The following PNPLA7 variants were observed in gnomAD, a reference collection of about 807,000 sequenced individuals.
PNPLA7 encodes the protein patatin-like phospholipase domain-containing protein 7.
Under a neutral mutation model 161.7 loss-of-function variants are expected in PNPLA7, and 153 were observed. That is an observed-to-expected ratio of 0.95 (90% CI 0.83 to 1.08). PNPLA7 has a LOEUF of 1.08. Ranked by LOEUF, PNPLA7 falls within the 50% of genes least tolerant of loss-of-function variation. PNPLA7 has a pLI of 0.00. For synonymous variants in PNPLA7, 809 were observed against 782.1 expected (o/e 1.03, Z -0.57); for missense variants, 1,739 against 1,856.6 (o/e 0.94, Z 1.16).
In PNPLA7 at chr9:137,490,664, C is replaced by T. The variant is rs934953382; in HGVS notation, c.2197+2349G>A. Among the ~76,000 whole-genome samples, 6 of 152,270 alleles carry T rather than the reference C, an allele frequency of 3.9e-5. No individual in the cohort carries two copies. Among genetic ancestry groups the T allele is most frequent in the East Asian group, 1.9e-4 (1 of 5,184 alleles). ...GCCATCAGACCTTCTCTGAAAGAAC[C>T]GCTAACCACAATTCTTCAACAGCAA... is the stretch of plus-strand genomic sequence containing the variant. On this transcript the variant is annotated intron_variant, in intron 20 of 34. Transcript: ENST00000406427. The surrounding 1 kb of genome is among the most constrained non-coding windows in gnomAD (Gnocchi z 4.1).
chr9:137,531,670 A>T (rs1002704561), intron 8 of PNPLA7, among the ~76,000 whole-genome samples: 4 of 152,228 alleles, frequency 2.6e-5, no homozygotes, highest in African/African-American at 9.6e-5. Context: ...TCACGTTCAT[A>T]ATGTTGCTCA....
rs117358503 is a variant in PNPLA7 at position 137,476,230 on chromosome 9, G to C, written c.2882+1804C>G. 2.6e-5 allele frequency among the ~76,000 whole-genome samples: 4 copies of C among 152,088 alleles called. No individual in the cohort carries two copies. Among genetic ancestry groups the C allele is most frequent in the African/African-American group, 9.7e-5 (4 of 41,414 alleles). ...GGTTAATGCCTGCCTCAGTGTCTTC[G>C]GGTAAATTAAGGATACCCAGAAAAC... is the stretch of plus-strand genomic sequence containing the variant. On this transcript the variant is annotated intron_variant, in intron 25 of 34. Coordinates refer to ENST00000406427, the MANE Select transcript of PNPLA7 (RefSeq NM_001098537.3). The surrounding 1 kb of genome is among the most constrained non-coding windows in gnomAD (Gnocchi z 4.5).
intron 12 of PNPLA7, among the ~76,000 whole-genome samples, chr9:137,508,578 GAAAAGGA>G (rs1400411349): frequency 1.3e-5 from 2 of 150,952 alleles, no homozygotes; most frequent in African/African-American, 4.9e-5. Flanking sequence ...AAAAAAAAAA[GAAAAGGA>G]AAAAGAAAAA....
intron 8 of PNPLA7, among the ~76,000 whole-genome samples, chr9:137,526,444 A>C (rs1208997305): frequency 6.6e-6 from 1 of 152,128 alleles, no homozygotes; most frequent in Non-Finnish European, 1.5e-5. Flanking sequence ...TGCCAGGTTA[A>C]TGTTTTGTAT....
rs1218380598 is a variant in PNPLA7 at position 137,550,299 on chromosome 9, T to C, written c.-102A>G. On this transcript the variant is annotated 5_prime_UTR_variant, in exon 1 of 35. Transcript: ENST00000406427. ...ATGCTCACACCTGGACACTTTTCCCTGGGTTCCTTTCAAGTCAAATTATGT... is the reference window on the plus strand; with the variant it reads ...ATGCTCACACCTGGACACTTTTCCCCGGGTTCCTTTCAAGTCAAATTATGT... The C allele has an allele frequency of 3.8e-6, 5 of 1,302,442 alleles. No individual in the cohort carries two copies. The East Asian group carries it at 9.2e-5, about 24-fold the overall frequency. The allele number at this position is 1,302,442 out of a possible 1,614,324, so 80.7% of individuals were successfully genotyped here.
rs965787643 is a variant in PNPLA7 at position 137,540,227 on chromosome 9, G to A, written c.747+415C>T. ...TGCAACGACGAAAAGCAAAAGACTGGGAGCCACAGAAAGACGGCGCCAGCA... is the reference window on the plus strand; with the variant it reads ...TGCAACGACGAAAAGCAAAAGACTGAGAGCCACAGAAAGACGGCGCCAGCA... On this transcript the variant is annotated intron_variant, in intron 8 of 34. Transcript: ENST00000406427. The surrounding 1 kb of genome is among the most constrained non-coding windows in gnomAD (Gnocchi z 5.1). Among the ~76,000 whole-genome samples, 3 of 152,188 alleles carry A rather than the reference G, an allele frequency of 2.0e-5. No homozygotes were observed. The highest frequency in any genetic ancestry group is 7.2e-5 in the African/African-American group (3 of 41,446).
At chr9:137,516,225 C>T (rs1440911268) in intron 11 of PNPLA7, among the ~76,000 whole-genome samples, 1 of 148,086 alleles carries the variant, frequency 6.8e-6, no homozygotes, top group Admixed American at 6.8e-5. Context: ...CAGCCAGGCC[C>T]TTTCTCAGGG....
chr9:137,467,562 C>A lies in PNPLA7; in HGVS notation c.2883-89G>T. 6.7e-7 allele frequency: 1 copy of A among 1,499,598 alleles called. No individual in the cohort carries two copies. The highest frequency in any genetic ancestry group is 9.0e-7 in the Non-Finnish European group (1 of 1,106,862). 92.9% of individuals were successfully genotyped at this position (1,499,598 alleles called of 1,614,324 possible). A position where few individuals can be genotyped will look rare whatever the true frequency, so the allele number is the denominator to read the frequency against. On this transcript the variant is annotated intron_variant, in intron 25 of 34. Coordinates refer to ENST00000406427, the MANE Select transcript of PNPLA7 (RefSeq NM_001098537.3). The surrounding 1 kb of genome is among the most constrained non-coding windows in gnomAD (Gnocchi z 5.1). ...CCTTGTGCTCATCCTCAGTTCCCAA[C>A]TCCTCCACAGGCAGAGACGCTGACG...
At chr9:137,462,066 C>T in intron 31 of PNPLA7, 25 bp from the exon 32 acceptor site, 2 of 1,551,830 alleles carry the variant, frequency 1.3e-6, no homozygotes, top group South Asian at 1.2e-5. Flanking sequence ...AGGGCCCCGT[C>T]AGGAGGTGTG....
In PNPLA7 at chr9:137,467,205, C is replaced by T. The variant is rs759176749; in HGVS notation, c.3039+112G>A. 4.8e-5 allele frequency: 67 copies of T among 1,399,944 alleles called. No individual in the cohort carries two copies. The highest frequency in any genetic ancestry group is 2.5e-4 in the Middle Eastern group (1 of 3,944). The allele number at this position is 1,399,944 out of a possible 1,614,324, so 86.7% of individuals were successfully genotyped here. On this transcript the variant is annotated intron_variant, in intron 26 of 34. Coordinates refer to ENST00000406427, the MANE Select transcript of PNPLA7 (RefSeq NM_001098537.3). This position sits in a 1 kb window ranked among gnomAD's most constrained non-coding sequence, Gnocchi z 5.1. ...GGGAGGCTTCAGGGGGTAGCCTCCT[C>T]GAGGGCAGGGCCCTGCAGAGCCACA...
rs1836296981 is a variant in PNPLA7 at position 137,543,078 on chromosome 9, G to A, written c.507-277C>T. On this transcript the variant is annotated intron_variant, in intron 6 of 34. Transcript: ENST00000406427. This position sits in a 1 kb window ranked among gnomAD's most constrained non-coding sequence, Gnocchi z 6.9. Reference sequence around the variant, plus strand: ...GGAAGGCAAAGGTGGCCTCCAGGATGGTGAGCTGGGCCAGGGAGCGGAAGG... The same window carrying A: ...GGAAGGCAAAGGTGGCCTCCAGGATAGTGAGCTGGGCCAGGGAGCGGAAGG... 6.6e-6 allele frequency among the ~76,000 whole-genome samples: 1 copy of A among 152,178 alleles called. No homozygotes were observed. Among genetic ancestry groups the A allele is most frequent in the Non-Finnish European group, 1.5e-5 (1 of 68,036 alleles).
chr9:137,460,040 C>T lies in PNPLA7; in HGVS notation c.*353G>A. 1 of 262,582 alleles carries T rather than the reference C, an allele frequency of 3.8e-6. No homozygotes were observed. Among genetic ancestry groups the T allele is most frequent in the Non-Finnish European group, 7.7e-6 (1 of 130,564 alleles). 16.3% of individuals were successfully genotyped at this position (262,582 alleles called of 1,614,324 possible). A position where few individuals can be genotyped will look rare whatever the true frequency, so the allele number is the denominator to read the frequency against. ...GGGCAGCAGGCAGTTCACAGGACAGCAGGCAGTTCACAGGGCTTTGGGGGC... is the reference window on the plus strand; with the variant it reads ...GGGCAGCAGGCAGTTCACAGGACAGTAGGCAGTTCACAGGGCTTTGGGGGC... On this transcript the variant is annotated 3_prime_UTR_variant, in exon 35 of 35. Coordinates refer to ENST00000406427, the MANE Select transcript of PNPLA7 (RefSeq NM_001098537.3).
In PNPLA7 at chr9:137,486,661, C is replaced by T. The variant is rs561807393; in HGVS notation, c.2198-1925G>A. Among the ~76,000 whole-genome samples, 51 of 152,260 alleles carry T rather than the reference C, an allele frequency of 3.3e-4. No homozygotes were observed. Among genetic ancestry groups the T allele is most frequent in the African/African-American group, 1.2e-3 (51 of 41,556 alleles). ...CCGACCCACCAAAGCTCAGTCCCCG[C>T]CCTCAGTCCAACTCAGCACCGGGAG... On this transcript the variant is annotated intron_variant, in intron 20 of 34. Coordinates refer to ENST00000406427, the MANE Select transcript of PNPLA7 (RefSeq NM_001098537.3). This position sits in a 1 kb window ranked among gnomAD's most constrained non-coding sequence, Gnocchi z 6.0.
intron 12 of PNPLA7, among the ~76,000 whole-genome samples, chr9:137,515,102 C>T (rs149338533): frequency 1.1e-3 from 172 of 152,202 alleles, no homozygotes; most frequent in Admixed American, 2.4e-3. Context: ...CATGGCTCTG[C>T]GGGGCATCTG....
chr9:137,465,925 G>A (rs780149116), intron 26 of PNPLA7, among the ~76,000 whole-genome samples: 11 of 152,152 alleles, frequency 7.2e-5, no homozygotes, highest in Non-Finnish European at 1.0e-4. Flanking sequence ...AGGGGAGCCT[G>A]TTCTCACTGT....
At chr9:137,526,283 T>G (rs1397278182) in intron 8 of PNPLA7, among the ~76,000 whole-genome samples, 1 of 151,984 alleles carries the variant, frequency 6.6e-6, no homozygotes, top group Non-Finnish European at 1.5e-5. Context: ...TTTTGACTGA[T>G]CCTGATTTTC....
Position 137,518,972 on chromosome 9 carries a change from A to G in PNPLA7, c.1084+945T>C, listed in dbSNP as rs71485023. Among the ~76,000 whole-genome samples the G allele has an allele frequency of 1.5e-3, 128 of 86,568 alleles. 1 individual carries two copies. Among genetic ancestry groups the G allele is most frequent in the African/African-American group, 5.3e-3 (114 of 21,544 alleles). The allele number at this position is 86,568 out of a possible 152,430, so 56.8% of individuals were successfully genotyped here. ...CATCCTCACTCACTCACTCCACCCTATCCACTCCATCCCCCACTCACTCAC... is the reference window on the plus strand; with the variant it reads ...CATCCTCACTCACTCACTCCACCCTGTCCACTCCATCCCCCACTCACTCAC... On this transcript the variant is annotated intron_variant, in intron 11 of 34. Transcript: ENST00000406427.
At chr9:137,526,298 T>C (rs1835297616) in intron 8 of PNPLA7, among the ~76,000 whole-genome samples, 1 of 148,458 alleles carries the variant, frequency 6.7e-6, no homozygotes, top group Admixed American at 6.7e-5. Flanking sequence ...ATTTTCATCC[T>C]TTTTTTTTTA....
At position 137,493,075 on chromosome 9, in the gene PNPLA7, G is replaced by A. The variant is rs1564307282; in HGVS notation, c.2135C>T (p.Thr712Ile). 1 of 1,613,920 alleles carries A rather than the reference G, an allele frequency of 6.2e-7. No individual in the cohort carries two copies. The highest frequency in any genetic ancestry group is 2.2e-5 in the East Asian group (1 of 44,890). The change falls in exon 20 of 35, where the codon ACT (threonine) becomes ATT (isoleucine). Residue 712 changes from threonine to isoleucine, a missense_variant. By Grantham distance (89) the Thr-to-Ile change is moderately conservative. Around this residue, in one of 6 missense-constraint regions of PNPLA7, gnomAD observed 192 missense variants for 249.5 expected, o/e 0.77. Transcript: ENST00000406427. ...SIKRRYPQVV[T>I]RLIHLLGEKI... ...CTCACCCAAGAGATGAATCAGCCGA[G>A]TCACCACCTGCGGGCAGACACAGGA...
Sources: allele counts gnomAD v4.1 joint callset (sites outside exome capture counted in the v4.1 genomes callset), GRCh38; gene constraint gnomAD v4.1.1; regional missense constraint gnomAD v4.1.1; non-coding constraint Gnocchi (gnomAD v3.1); transcripts MANE v1.5; gene names NCBI Gene and HGNC (gene_info 2026-07-23, HGNC 2026-07-21).